Variants in MTF2 observed in about 807,000 individuals in gnomAD.
MTF2 encodes metal-response element-binding transcription factor 2.
Under a neutral mutation model 79.5 loss-of-function variants are expected in MTF2, and 11 were observed. The observed-to-expected ratio is 0.14, with a 90% confidence interval of 0.09 to 0.23. The LOEUF (loss-of-function observed/expected upper bound fraction) is 0.23, where lower values mean the gene tolerates loss of function less well. Among genes scored for constraint, MTF2 ranks in the 10% least tolerant of loss-of-function variants. The pLI is 1.00. For synonymous variants in MTF2, 208 were observed against 232.8 expected, an observed-to-expected ratio of 0.89 and a Z score of 0.97; for missense variants, 486 against 711.2, an observed-to-expected ratio of 0.68 and a Z score of 3.60.
intron 11 of MTF2, among the ~76,000 whole-genome samples, chr1:93,130,343 C>T (rs1277447862): frequency 4.6e-5 from 7 of 152,150 alleles, no homozygotes; most frequent in East Asian, 3.9e-4. Flanking sequence ...TTTGGGAGGC[C>T]GAGGCAGGTG....
At chr1:93,124,082 A>G (rs1477470440) in intron 9 of MTF2, among the ~76,000 whole-genome samples, 1 of 152,054 alleles carries the variant, frequency 6.6e-6, no homozygotes, top group Non-Finnish European at 1.5e-5. Context: ...TTAGTTGAAT[A>G]CGGTATAGGA....
At chr1:93,085,645 C>T (rs1654806473) in intron 1 of MTF2, among the ~76,000 whole-genome samples, 1 of 152,066 alleles carries the variant, frequency 6.6e-6, no homozygotes, top group African/African-American at 2.4e-5. Flanking sequence ...TGCCACCACA[C>T]CTGGCTAATT....
At chr1:93,119,693 A>G (rs950997939) in intron 8 of MTF2, 4 of 266,040 alleles carry the variant, frequency 1.5e-5, no homozygotes, top group Non-Finnish European at 2.8e-5. Context: ...AGAATACCAT[A>G]CAGTAGAAGA....
intron 1 of MTF2, among the ~76,000 whole-genome samples, chr1:93,083,709 C>A (rs1654711195): frequency 6.6e-6 from 1 of 152,184 alleles, no homozygotes; most frequent in East Asian, 1.9e-4. Context: ...GATTATCTCA[C>A]CAGTTTATCC....
chr1:93,105,565 A>T (rs1170725825), intron 1 of MTF2, among the ~76,000 whole-genome samples: 2 of 152,228 alleles, frequency 1.3e-5, no homozygotes, highest in African/African-American at 4.8e-5. Flanking sequence ...TAAAGCAGTG[A>T]TCTGAGTATT....
chr1:93,112,232 C>G (rs1656057594), intron 3 of MTF2, among the ~76,000 whole-genome samples: 1 of 152,108 alleles, frequency 6.6e-6, no homozygotes, highest in South Asian at 2.1e-4. Context: ...CTTATAGTTG[C>G]TATAAAAATG....
At chr1:93,097,514 A>G (rs865835929) in intron 1 of MTF2, among the ~76,000 whole-genome samples, 1 of 152,226 alleles carries the variant, frequency 6.6e-6, no homozygotes, top group Non-Finnish European at 1.5e-5. Context: ...TGGAAAATAT[A>G]AAGTATGAAA....
At chr1:93,100,513 T>TA (rs1408175985) in intron 1 of MTF2, among the ~76,000 whole-genome samples, 4 of 152,092 alleles carry the variant, frequency 2.6e-5, no homozygotes, top group African/African-American at 9.7e-5. Flanking sequence ...CACTGTGTGT[T>TA]AGCCAAGATG....
chr1:93,105,165 A>ACAGACATTC (rs1461696058), intron 1 of MTF2, among the ~76,000 whole-genome samples: 19 of 142,182 alleles, frequency 1.3e-4, no homozygotes, highest in Non-Finnish European at 1.7e-4. Flanking sequence ...AAAAAAAGAG[A>ACAGACATTC]CAGACATTCC....
intron 9 of MTF2, among the ~76,000 whole-genome samples, chr1:93,122,243 C>T (rs567071835): frequency 2.0e-5 from 3 of 152,172 alleles, no homozygotes; most frequent in Admixed American, 1.3e-4. Flanking sequence ...AGCCATTATT[C>T]TTTTAGCACT....
chr1:93,097,692 G>C (rs1157513989), intron 1 of MTF2, among the ~76,000 whole-genome samples: 2 of 152,126 alleles, frequency 1.3e-5, no homozygotes, highest in Admixed American at 1.3e-4. Flanking sequence ...CCACCTCCCG[G>C]GTTCGAGCAG....
intron 1 of MTF2, among the ~76,000 whole-genome samples, chr1:93,105,463 A>G (rs771394592): frequency 2.0e-5 from 3 of 152,226 alleles, no homozygotes; most frequent in Non-Finnish European, 4.4e-5. Context: ...TTTGTATCCT[A>G]TAATAAACTT....
At chr1:93,130,367 C>T (rs533061327) in intron 11 of MTF2, among the ~76,000 whole-genome samples, 5 of 152,210 alleles carry the variant, frequency 3.3e-5, no homozygotes, top group South Asian at 4.1e-4. Flanking sequence ...CACCTGAGGT[C>T]GGGAGTTTGA....
At chr1:93,127,428 CCTATT>C in intron 10 of MTF2, 129 bp downstream of exon 10, 2 of 591,034 alleles carry the variant, frequency 3.4e-6, no homozygotes, top group Non-Finnish European at 3.0e-6. Flanking sequence ...TTTATAATGT[CCTATT>C]CTATTTTAGT....
At chr1:93,088,675 C>T (rs976239897) in intron 1 of MTF2, among the ~76,000 whole-genome samples, 1 of 152,160 alleles carries the variant, frequency 6.6e-6, no homozygotes, top group Non-Finnish European at 1.5e-5. Flanking sequence ...AAGCAATTCT[C>T]ATGCTTCAGC....
At chr1:93,132,442 A>G (rs1180425099) in intron 11 of MTF2, among the ~76,000 whole-genome samples, 5 of 152,228 alleles carry the variant, frequency 3.3e-5, no homozygotes, top group African/African-American at 1.2e-4. Context: ...ATGCCACCAG[A>G]TAAGGATTCA....
At chr1:93,111,577 C>T (rs981961840) in intron 3 of MTF2, among the ~76,000 whole-genome samples, 1 of 151,980 alleles carries the variant, frequency 6.6e-6, no homozygotes, top group Non-Finnish European at 1.5e-5. Flanking sequence ...TTCTAATTAC[C>T]ATCTGTATAG....
At chr1:93,118,855 C>T (rs774421957) in intron 7 of MTF2, among the ~76,000 whole-genome samples, 6 of 152,202 alleles carry the variant, frequency 3.9e-5, no homozygotes, top group Non-Finnish European at 8.8e-5. Context: ...ACAGTGAGCT[C>T]CAGGAACAAA....
intron 1 of MTF2, among the ~76,000 whole-genome samples, chr1:93,090,340 G>T (rs1055902749): frequency 6.6e-6 from 1 of 151,852 alleles, no homozygotes; most frequent in Non-Finnish European, 1.5e-5. Context: ...TTGAATTCCT[G>T]ACCTCAGGTG....
Sources: gnomAD v4.1 joint callset for allele counts (sites outside exome capture counted in the v4.1 genomes callset) on GRCh38, gnomAD v4.1.1 for gene constraint, MANE v1.5 for transcripts, NCBI Gene and HGNC (gene_info 2026-07-23, HGNC 2026-07-21) for gene names.